SRBD1: variants seen among roughly 807,000 people sequenced by gnomAD.
The protein encoded by SRBD1 is S1 RNA binding domain 1.
In SRBD1, 88 loss-of-function variants were observed where a neutral mutation model predicts 115.3. The ratio of observed to expected loss-of-function variants is 0.76; its 90% CI spans 0.64 to 0.91. SRBD1 has a LOEUF of 0.91. Ranked by LOEUF, SRBD1 falls within the 40% of genes least tolerant of loss-of-function variation. The pLI, the probability that SRBD1 is intolerant of heterozygous loss-of-function variation, is 0.00. For missense variants in SRBD1, 1,385 were observed against 1,177.4 expected (o/e 1.18, Z -2.58); for synonymous variants, 509 against 407.7 (o/e 1.25, Z -2.99).
intron 4 of SRBD1, among the ~76,000 whole-genome samples, chr2:45,591,463 G>A (rs906514274): frequency 2.6e-5 from 4 of 152,166 alleles, no homozygotes; most frequent in African/African-American, 9.7e-5. Flanking sequence ...AGCTGGGTCT[G>A]TGTGAATTAC....
intron 10 of SRBD1, among the ~76,000 whole-genome samples, chr2:45,558,715 G>C (rs1413976187): frequency 1.5e-5 from 2 of 130,914 alleles, no homozygotes; most frequent in Non-Finnish European, 3.2e-5. Context: ...TTTTGAGATG[G>C]AGTTTCACTC....
intron 14 of SRBD1, among the ~76,000 whole-genome samples, chr2:45,493,822 A>T (rs67477267): frequency 0.2 from 30,589 of 151,712 alleles, 3,504 homozygotes; most frequent in African/African-American, 0.31. Context: ...AAAAAAAAAA[A>T]AAAATAAAAT....
At chr2:45,575,420 T>C (rs1207904043) in intron 7 of SRBD1, among the ~76,000 whole-genome samples, 1 of 152,258 alleles carries the variant, frequency 6.6e-6, no homozygotes, top group Non-Finnish European at 1.5e-5. Flanking sequence ...AGAGAGATCA[T>C]TTGCACTGCT....
intron 19 of SRBD1, among the ~76,000 whole-genome samples, chr2:45,400,856 T>C (rs1040954822): frequency 8.5e-5 from 13 of 152,156 alleles, no homozygotes; most frequent in African/African-American, 3.1e-4. Flanking sequence ...ACAGCCATGA[T>C]TTGAATCCAG....
intron 13 of SRBD1, 39 bp from the exon 14 acceptor site, chr2:45,546,878 G>T: frequency 6.3e-7 from 1 of 1,581,996 alleles, no homozygotes; most frequent in Non-Finnish European, 8.7e-7. Flanking sequence ...GAATTTCAAG[G>T]CATGCTTTGA....
intron 9 of SRBD1, among the ~76,000 whole-genome samples, chr2:45,564,295 T>C (rs1672759011): frequency 1.3e-5 from 2 of 152,154 alleles, no homozygotes; most frequent in South Asian, 4.1e-4. Flanking sequence ...GGAAAGTTCT[T>C]TAATATGAGA....
chr2:45,558,636 AGT>A (rs1349934823), intron 10 of SRBD1, among the ~76,000 whole-genome samples: 1 of 151,046 alleles, frequency 6.6e-6, no homozygotes, highest in African/African-American at 2.4e-5. Flanking sequence ...ATATATTTAT[AGT>A]GTGATAGTAA....
In SRBD1 at chr2:45,575,352, G is replaced by A. The variant is rs139786822; in HGVS notation, c.1073-629C>T. On this transcript the variant is annotated intron_variant, in intron 7 of 20. Coordinates refer to ENST00000263736, the MANE Select transcript of SRBD1 (RefSeq NM_018079.5). Reference sequence around the variant, plus strand: ...AGTTCTCTTTAAGCATTTCTAATTTGCTAATTTATAGCAATGAATCTTGTA... The same window carrying A: ...AGTTCTCTTTAAGCATTTCTAATTTACTAATTTATAGCAATGAATCTTGTA... Among the ~76,000 whole-genome samples the A allele has an allele frequency of 1.1e-3, 168 of 152,218 alleles. 3 individuals are homozygous for A. The highest frequency in any genetic ancestry group is 3.7e-3 in the African/African-American group (155 of 41,540).
chr2:45,397,737 G>A (rs1477313532), intron 19 of SRBD1, among the ~76,000 whole-genome samples: 1 of 152,172 alleles, frequency 6.6e-6, no homozygotes, highest in Non-Finnish European at 1.5e-5. Flanking sequence ...CCAAGTAGCT[G>A]GAACCACAAG....
chr2:45,442,171 G>C (rs1276296168), intron 16 of SRBD1, among the ~76,000 whole-genome samples: 1 of 152,170 alleles, frequency 6.6e-6, no homozygotes, highest in Non-Finnish European at 1.5e-5. Context: ...TGACATGTCA[G>C]CTCCCAGGTC....
intron 16 of SRBD1, among the ~76,000 whole-genome samples, chr2:45,430,142 A>G (rs1668287057): frequency 6.6e-6 from 1 of 152,170 alleles, no homozygotes; most frequent in East Asian, 1.9e-4. Flanking sequence ...AAGACAGGAC[A>G]CAAACAAACA....
At chr2:45,599,338 T>C in intron 4 of SRBD1, 111 bp downstream of exon 4, 2 of 1,441,984 alleles carry the variant, frequency 1.4e-6, no homozygotes, top group Non-Finnish European at 1.9e-6. Flanking sequence ...CTGGCAAAAC[T>C]GAAGAGAGAA....
intron 1 of SRBD1, among the ~76,000 whole-genome samples, chr2:45,610,545 A>G (rs1674413499): frequency 6.6e-6 from 1 of 152,220 alleles, no homozygotes; most frequent in East Asian, 1.9e-4. Context: ...CACCAAGACT[A>G]GTCTCGTTTC....
Position 45,546,914 on chromosome 2 carries a change from T to G in SRBD1, c.1767-75A>C, listed in dbSNP as rs1672138889. The G allele has an allele frequency of 2.3e-6, 3 of 1,313,796 alleles. No homozygotes were observed. The South Asian group carries it at 3.5e-5, about 15-fold the overall frequency. The allele number at this position is 1,313,796 out of a possible 1,614,324, so 81.4% of individuals were successfully genotyped here. On this transcript the variant is annotated intron_variant, in intron 13 of 20. Coordinates refer to ENST00000263736, the MANE Select transcript of SRBD1 (RefSeq NM_018079.5). ...AATCAGCTGGAGAAAATGTACAGAA[T>G]GCACAAATACTATTATATGATTCTC... is the stretch of plus-strand genomic sequence containing the variant.
At chr2:45,485,542 T>C (rs893205248) in intron 15 of SRBD1, among the ~76,000 whole-genome samples, 2 of 152,196 alleles carry the variant, frequency 1.3e-5, no homozygotes, top group Non-Finnish European at 2.9e-5. Flanking sequence ...CCATCTACTA[T>C]ATCCATCCAA....
chr2:45,400,567 T>G (rs562864099), intron 19 of SRBD1, among the ~76,000 whole-genome samples: 1 of 152,100 alleles, frequency 6.6e-6, no homozygotes. Flanking sequence ...CCAGATCACA[T>G]GAAAAAACAA....
chr2:45,477,170 T>C (rs1174720938), intron 15 of SRBD1, 95 bp from the exon 16 acceptor site: 1 of 916,444 alleles, frequency 1.1e-6, no homozygotes, highest in Non-Finnish European at 1.7e-6. Context: ...AAGTACTTAA[T>C]CCTGTCCCTC....
chr2:45,597,180 G>C (rs892708064), intron 4 of SRBD1, among the ~76,000 whole-genome samples: 22 of 152,136 alleles, frequency 1.4e-4, no homozygotes, highest in African/African-American at 5.1e-4. Context: ...CTGCACTTTG[G>C]GAGAAAGAGG....
chr2:45,604,168 G>GC (rs1302212762), intron 2 of SRBD1, among the ~76,000 whole-genome samples: 1 of 151,366 alleles, frequency 6.6e-6, no homozygotes, highest in African/African-American at 2.4e-5. Context: ...AGTTTTGCCC[G>GC]CTATAGTCTA....
Sources: allele counts gnomAD v4.1 joint callset (sites outside exome capture counted in the v4.1 genomes callset), GRCh38; gene constraint gnomAD v4.1.1; transcripts MANE v1.5; gene names NCBI Gene and HGNC (gene_info 2026-07-23, HGNC 2026-07-21).